The following PLEKHH2 variants were observed in gnomAD, a reference collection of about 807,000 sequenced individuals.
PLEKHH2 encodes pleckstrin homology domain-containing family H member 2.
Under a neutral mutation model 187.9 loss-of-function variants are expected in PLEKHH2, and 129 were observed. The ratio of observed to expected loss-of-function variants is 0.69; its 90% CI spans 0.59 to 0.79. The LOEUF (loss-of-function observed/expected upper bound fraction) is 0.79, where lower values mean the gene tolerates loss of function less well. Ranked by LOEUF, PLEKHH2 falls within the 30% of genes least tolerant of loss-of-function variation. The probability of loss-of-function intolerance (pLI) is 0.00; values close to 1 mark genes in which losing one functional copy is unlikely to be tolerated. For missense variants in PLEKHH2, 2,076 were observed against 1,751.2 expected, an observed-to-expected ratio of 1.19 and a Z score of -3.31; for synonymous variants, 686 against 605.6, an observed-to-expected ratio of 1.13 and a Z score of -1.95.
At chr2:43,714,131 A>T (rs1670100641) in intron 15 of PLEKHH2, among the ~76,000 whole-genome samples, 1 of 152,164 alleles carries the variant, frequency 6.6e-6, no homozygotes, top group South Asian at 2.1e-4. Flanking sequence ...TGTTTCAAGG[A>T]CCTCATATGC....
At chr2:43,731,415 T>G in intron 18 of PLEKHH2, 75 bp from the exon 19 acceptor site, 1 of 1,010,416 alleles carries the variant, frequency 9.9e-7, no homozygotes. Context: ...AGCTAATGTC[T>G]AAAGGATTAA....
chr2:43,736,342 G>C (rs1671293108), intron 19 of PLEKHH2, among the ~76,000 whole-genome samples: 1 of 152,176 alleles, frequency 6.6e-6, no homozygotes, highest in Non-Finnish European at 1.5e-5. Flanking sequence ...CCTGCCAGTG[G>C]TTTTCAGATG....
chr2:43,762,255 G>A (rs1672457326), intron 27 of PLEKHH2, 49 bp from the exon 28 acceptor site: 1 of 1,346,854 alleles, frequency 7.4e-7, no homozygotes, highest in Non-Finnish European at 1.1e-6. Flanking sequence ...AAATATTCCT[G>A]TAATTTTGCT....
intron 29 of PLEKHH2, 61 bp downstream of exon 29, chr2:43,764,426 G>A (rs1382635034): frequency 1.1e-5 from 17 of 1,513,310 alleles, no homozygotes; most frequent in Non-Finnish European, 1.5e-5. Context: ...GTCTTAGCCA[G>A]AAGGCCAAAA....
intron 2 of PLEKHH2, among the ~76,000 whole-genome samples, chr2:43,655,276 G>T (rs1465830116): frequency 6.6e-6 from 1 of 151,956 alleles, no homozygotes; most frequent in Admixed American, 6.5e-5. Flanking sequence ...GAAATGTTGG[G>T]GATAATTAAA....
chr2:43,688,175 G>A (rs1028112696), intron 3 of PLEKHH2, among the ~76,000 whole-genome samples: 7 of 152,122 alleles, frequency 4.6e-5, no homozygotes, highest in Non-Finnish European at 8.8e-5. Context: ...ACTATCAATA[G>A]AGTAAACATA....
intron 21 of PLEKHH2, among the ~76,000 whole-genome samples, chr2:43,741,871 A>C (rs188266340): frequency 6.6e-6 from 1 of 152,354 alleles, no homozygotes; most frequent in East Asian, 1.9e-4. Context: ...TATAACAAAC[A>C]AGGACAAATA....
chr2:43,709,772 G>A (rs1279805519), intron 11 of PLEKHH2, among the ~76,000 whole-genome samples: 1 of 152,182 alleles, frequency 6.6e-6, no homozygotes, highest in Non-Finnish European at 1.5e-5. Flanking sequence ...GGAGGCAGAG[G>A]TTGCAGTGAG....
chr2:43,733,719 T>C (rs1671157002), intron 19 of PLEKHH2, among the ~76,000 whole-genome samples: 1 of 152,170 alleles, frequency 6.6e-6, no homozygotes, highest in Non-Finnish European at 1.5e-5. Flanking sequence ...GAGAAAAAAG[T>C]AGAGGTGGGG....
intron 2 of PLEKHH2, among the ~76,000 whole-genome samples, chr2:43,649,967 C>T (rs906492838): frequency 2.6e-5 from 4 of 152,154 alleles, no homozygotes; most frequent in African/African-American, 9.7e-5. Flanking sequence ...AAATTTCCCT[C>T]TGCCACTTGC....
intron 28 of PLEKHH2, among the ~76,000 whole-genome samples, chr2:43,763,178 C>T (rs1054139714): frequency 3.3e-5 from 5 of 152,066 alleles, no homozygotes; most frequent in African/African-American, 1.2e-4. Flanking sequence ...ATTATAAAAT[C>T]AGTGACTTAA....
At chr2:43,719,645 G>C (rs1670384361) in intron 15 of PLEKHH2, among the ~76,000 whole-genome samples, 1 of 152,122 alleles carries the variant, frequency 6.6e-6, no homozygotes, top group African/African-American at 2.4e-5. Context: ...TCCCCATATT[G>C]GTCAGGCTGG....
chr2:43,666,099 C>T (rs1249557047), intron 2 of PLEKHH2, among the ~76,000 whole-genome samples: 1 of 149,736 alleles, frequency 6.7e-6, no homozygotes, highest in Admixed American at 6.6e-5. Flanking sequence ...AGTTTGATCT[C>T]AGACTGCTGT....
Position 43,695,138 on chromosome 2 carries a change from C to T in PLEKHH2, c.421-5C>T. The stretch of plus-strand genomic sequence containing the variant: ...TATGAAAAGAATACCATTATGTTCT[C>T]TTAGCTGGAATTGGAGAATCAGAAT... On this transcript the variant is annotated splice_region_variant and splice_polypyrimidine_tract_variant and intron_variant, in intron 5 of 29. Coordinates refer to ENST00000282406, the MANE Select transcript of PLEKHH2 (RefSeq NM_172069.4). 6.4e-7 allele frequency: 1 copy of T among 1,560,350 alleles called. No homozygotes were observed. Among genetic ancestry groups the T allele is most frequent in the Non-Finnish European group, 8.8e-7 (1 of 1,139,558 alleles).
chr2:43,650,612 C>G (rs1268521254), intron 2 of PLEKHH2, among the ~76,000 whole-genome samples: 1 of 151,626 alleles, frequency 6.6e-6, no homozygotes, highest in Non-Finnish European at 1.5e-5. Flanking sequence ...CAAATAATCA[C>G]TCAAAAGCAA....
chr2:43,654,984 T>C (rs1247679050), intron 2 of PLEKHH2, among the ~76,000 whole-genome samples: 5 of 151,152 alleles, frequency 3.3e-5, no homozygotes, highest in Non-Finnish European at 7.4e-5. Flanking sequence ...CCAGCCGAGA[T>C]CATGCCACTG....
At chr2:43,740,388 T>A (rs1671508156) in intron 20 of PLEKHH2, among the ~76,000 whole-genome samples, 1 of 152,196 alleles carries the variant, frequency 6.6e-6, no homozygotes, top group Admixed American at 6.5e-5. Context: ...GTAACATGTT[T>A]TATACTTCCT....
intron 3 of PLEKHH2, among the ~76,000 whole-genome samples, chr2:43,688,723 CA>C (rs990798982): frequency 2.6e-5 from 4 of 152,148 alleles, no homozygotes; most frequent in Admixed American, 1.3e-4. Context: ...TTAAAATCAA[CA>C]AAGGAAAAGG....
chr2:43,750,317 C>A (rs960502636), intron 24 of PLEKHH2, among the ~76,000 whole-genome samples: 1 of 152,118 alleles, frequency 6.6e-6, no homozygotes, highest in African/African-American at 2.4e-5. Flanking sequence ...ACTAAAAATA[C>A]AAAAATTAGC....
Sources: allele counts gnomAD v4.1 joint callset (sites outside exome capture counted in the v4.1 genomes callset), GRCh38; gene constraint gnomAD v4.1.1; transcripts MANE v1.5; gene names NCBI Gene and HGNC (gene_info 2026-07-23, HGNC 2026-07-21).